The following GPA33 variants were observed in gnomAD, a reference collection of about 807,000 sequenced individuals.
GPA33 encodes the protein glycoprotein A33.
In GPA33, 27 loss-of-function variants were observed where a neutral mutation model predicts 35.6. The observed-to-expected ratio is 0.76, with a 90% CI of 0.56 to 1.04. The LOEUF (loss-of-function observed/expected upper bound fraction) is 1.04. GPA33 is among the 50% of genes least tolerant of loss of function. GPA33 has a pLI of 0.00. For synonymous variants in GPA33, 176 were observed against 164.0 expected, an observed-to-expected ratio of 1.07 and a Z score of -0.56; for missense variants, 428 against 411.9, an observed-to-expected ratio of 1.04 and a Z score of -0.34.
Position 167,073,375 on chromosome 1 carries a change from G to A in GPA33, c.198+10C>T. The A allele has an allele frequency of 1.2e-6, 2 of 1,611,156 alleles. No homozygotes were observed. The highest frequency in any genetic ancestry group is 1.3e-5 in the African/African-American group (1 of 74,978). On this transcript the variant is annotated intron_variant, in intron 2 of 6. Transcript: ENST00000367868. ...TTCCCATGTTGCCTGAACTTGTAAA[G>A]TATCCTTACCGTATGAGTGAGGAGG...
intron 4 of GPA33, 81 bp from the exon 5 acceptor site, chr1:167,055,930 T>C (rs982395415): frequency 4.1e-6 from 6 of 1,449,526 alleles, no homozygotes; most frequent in Non-Finnish European, 5.8e-6. Flanking sequence ...CTGGACTCCT[T>C]GGGAAGCACA....
At chr1:167,086,650 C>G (rs1424350228) in intron 1 of GPA33, among the ~76,000 whole-genome samples, 5 of 152,212 alleles carry the variant, frequency 3.3e-5, no homozygotes, top group Admixed American at 6.5e-5. Context: ...TCTAAAATGG[C>G]ACAATCAGCC....
intron 4 of GPA33, chr1:167,058,177 T>C (rs2025888): frequency 0.63 from 95,826 of 151,798 alleles, 30,812 homozygotes; most frequent in South Asian, 0.72. Flanking sequence ...CCAGCCTGAG[T>C]AACAAAGCGA....
chr1:167,056,313 A>G (rs1354555108), intron 4 of GPA33, among the ~76,000 whole-genome samples: 1 of 152,174 alleles, frequency 6.6e-6, no homozygotes, highest in Non-Finnish European at 1.5e-5. Context: ...TATTACTTTT[A>G]TGATCTTCAG....
intron 1 of GPA33, among the ~76,000 whole-genome samples, chr1:167,079,937 G>A (rs527864768): frequency 7.2e-5 from 11 of 152,210 alleles, no homozygotes; most frequent in East Asian, 3.9e-4. Flanking sequence ...CTTTGCATCC[G>A]TACTCAGTGA....
At chr1:167,066,749 A>G (rs1204283428) in intron 3 of GPA33, among the ~76,000 whole-genome samples, 1 of 152,188 alleles carries the variant, frequency 6.6e-6, no homozygotes, top group Non-Finnish European at 1.5e-5. Flanking sequence ...GGGAAACGGA[A>G]CCAGTCGGGT....
At chr1:167,067,116 G>A (rs961827317) in intron 3 of GPA33, among the ~76,000 whole-genome samples, 8 of 152,048 alleles carry the variant, frequency 5.3e-5, no homozygotes, top group African/African-American at 1.4e-4. Flanking sequence ...AAAAAAATGG[G>A]CTCTTTCTTT....
At position 167,055,018 on chromosome 1, in the gene GPA33, C is replaced by T. The variant is rs748117218; in HGVS notation, c.785G>A (p.Arg262Gln). The T allele has an allele frequency of 8.7e-6, 14 of 1,613,918 alleles. No homozygotes were observed. Among genetic ancestry groups the T allele is most frequent in the South Asian group, 5.5e-5 (5 of 91,082 alleles). ...IGIIIYCCCC[R>Q]GKDDNTEDKE... is the part of the protein sequence containing the mutation. Reference sequence around the variant, plus strand: ...GTCTTCAGTGTTGTCGTCCTTCCCTCGGCAGCAGCAGCAGTAGATGATGAT... The same window carrying T: ...GTCTTCAGTGTTGTCGTCCTTCCCTTGGCAGCAGCAGCAGTAGATGATGAT... The change falls in exon 6 of 7, where the codon CGA (arginine) becomes CAA (glutamine). Residue 262 changes from arginine (R) to glutamine (Q), a missense_variant. Coordinates refer to ENST00000367868, the MANE Select transcript of GPA33 (RefSeq NM_005814.3).
At chr1:167,063,788 G>A (rs1666523297) in intron 3 of GPA33, 51 bp from the exon 4 acceptor site, 2 of 1,510,028 alleles carry the variant, frequency 1.3e-6, no homozygotes, top group East Asian at 4.6e-5. Flanking sequence ...GGGGCTTGGT[G>A]ACAGCCACCC....
chr1:167,067,391 C>T (rs977609376), intron 3 of GPA33, among the ~76,000 whole-genome samples: 15 of 152,050 alleles, frequency 9.9e-5, no homozygotes, highest in Non-Finnish European at 1.6e-4. Context: ...CTTGAGCTAC[C>T]GCACCCGACC....
intron 4 of GPA33, among the ~76,000 whole-genome samples, chr1:167,056,643 T>TATG: frequency 6.7e-6 from 1 of 149,672 alleles, no homozygotes; most frequent in Non-Finnish European, 1.5e-5. Context: ...GTGTGTGGTG[T>TATG]GTGTAGTGTG....
intron 1 of GPA33, among the ~76,000 whole-genome samples, chr1:167,087,872 C>T (rs1166539712): frequency 1.4e-5 from 2 of 146,166 alleles, no homozygotes; most frequent in African/African-American, 5.2e-5. Context: ...GCTGAGATCA[C>T]ACCACTGCAC....
Position 167,090,293 on chromosome 1 carries a change from T to A in GPA33, c.-6A>T. ...GGCCACATCTTCCCCACCATGGTCT[T>A]GCTTCTTCTCTGCCCTAAACCTAAC... is the stretch of plus-strand genomic sequence containing the variant. On this transcript the variant is annotated 5_prime_UTR_variant, in exon 1 of 7. Transcript: ENST00000367868. 6.2e-7 allele frequency: 1 copy of A among 1,613,262 alleles called. No homozygotes were observed. The highest frequency in any genetic ancestry group is 8.5e-7 in the Non-Finnish European group (1 of 1,179,198).
At position 167,063,730 on chromosome 1, in the gene GPA33, G is replaced by C; in HGVS notation, c.423C>G (p.Pro141=). The change falls in exon 4 of 7, where the codon CCC becomes CCG. Residue 141 remains proline, a synonymous_variant. Coordinates refer to ENST00000367868, the MANE Select transcript of GPA33 (RefSeq NM_005814.3). ...SRVRLLVLVP[P]SKPECGIEGE... ...CCTCGATGCCGCATTCTGGTTTGGA[G>C]GGTGGCACTATATAGAGGAGAGACC... 1 of 1,612,818 alleles carries C rather than the reference G, an allele frequency of 6.2e-7. No individual in the cohort carries two copies. The highest frequency in any genetic ancestry group is 1.1e-5 in the South Asian group (1 of 90,986).
chr1:167,079,493 A>G (rs1333934608), intron 1 of GPA33, among the ~76,000 whole-genome samples: 1 of 141,142 alleles, frequency 7.1e-6, no homozygotes, highest in Non-Finnish European at 1.5e-5. Context: ...CCAAAAAAAA[A>G]AAAAAAAAGA....
At chr1:167,063,137 AC>A (rs945302466) in intron 4 of GPA33, among the ~76,000 whole-genome samples, 1 of 152,174 alleles carries the variant, frequency 6.6e-6, no homozygotes, top group African/African-American at 2.4e-5. Flanking sequence ...ATTATAAGAA[AC>A]CAGTGCTGGC....
rs770094266 is a variant in GPA33, at chr1:167,054,311, C to T, written c.*23G>A. On this transcript the variant is annotated 3_prime_UTR_variant, in exon 7 of 7. Transcript: ENST00000367868. ...GAGAATGAACCCCTAACCCTTCCTC[C>T]GCCGCCCTCTGCTGCTGGCCTGTCA... The T allele has an allele frequency of 1.4e-5, 23 of 1,613,394 alleles. 1 individual carries two copies. In the South Asian group the frequency reaches 1.4e-4, roughly 10 times the overall value.
intron 6 of GPA33, among the ~76,000 whole-genome samples, 161 bp from the exon 7 acceptor site, chr1:167,054,627 T>G (rs902121952): frequency 6.6e-6 from 1 of 151,970 alleles, no homozygotes; most frequent in Non-Finnish European, 1.5e-5. Context: ...AGAGTAAAGG[T>G]GCCACAGACT....
At position 167,054,312 on chromosome 1, in the gene GPA33, G is replaced by T. The variant is rs773584975; in HGVS notation, c.*22C>A. 1 of 1,613,566 alleles carries T rather than the reference G, an allele frequency of 6.2e-7. No individual in the cohort carries two copies. Among genetic ancestry groups the T allele is most frequent in the South Asian group, 1.1e-5 (1 of 91,054 alleles). On this transcript the variant is annotated 3_prime_UTR_variant, in exon 7 of 7. Coordinates refer to ENST00000367868, the MANE Select transcript of GPA33 (RefSeq NM_005814.3). ...AGAATGAACCCCTAACCCTTCCTCCGCCGCCCTCTGCTGCTGGCCTGTCAC... is the reference window on the plus strand; with the variant it reads ...AGAATGAACCCCTAACCCTTCCTCCTCCGCCCTCTGCTGCTGGCCTGTCAC...
Sources: gnomAD v4.1 joint callset for allele counts (sites outside exome capture counted in the v4.1 genomes callset) on GRCh38, gnomAD v4.1.1 for gene constraint, MANE v1.5 for transcripts, NCBI Gene and HGNC (gene_info 2026-07-23, HGNC 2026-07-21) for gene names.